SLC39A12: variants seen among roughly 807,000 people sequenced by gnomAD.
The protein encoded by SLC39A12 is solute carrier family 39 member 12.
Under a neutral mutation model 71.1 loss-of-function variants are expected in SLC39A12, and 63 were observed. The ratio of observed to expected loss-of-function variants is 0.89; its 90% CI spans 0.72 to 1.09. SLC39A12 has a LOEUF of 1.09. SLC39A12 is among the 50% of genes least tolerant of loss of function. The pLI is 0.00. For missense variants in SLC39A12, 892 were observed against 812.6 expected, an observed-to-expected ratio of 1.10 and a Z score of -1.19; for synonymous variants, 351 against 301.3, an observed-to-expected ratio of 1.16 and a Z score of -1.71.
At chr10:17,963,858 G>C (rs1180454208) in intron 3 of SLC39A12, among the ~76,000 whole-genome samples, 3 of 152,144 alleles carry the variant, frequency 2.0e-5, no homozygotes, top group African/African-American at 7.2e-5. Context: ...ATCCCCAAGA[G>C]AATCAACTTG....
At chr10:18,004,102 T>C (rs531828136) in intron 12 of SLC39A12, among the ~76,000 whole-genome samples, 45 of 152,352 alleles carry the variant, frequency 3.0e-4, no homozygotes, top group African/African-American at 9.6e-4. Context: ...ATTGTCTTGC[T>C]TCTTAAATTC....
chr10:18,029,840 T>C (rs533456765), intron 12 of SLC39A12, among the ~76,000 whole-genome samples: 2 of 151,270 alleles, frequency 1.3e-5, no homozygotes, highest in South Asian at 4.2e-4. Context: ...TCTTGAAAAT[T>C]AATTCATATG....
intron 11 of SLC39A12, chr10:18,001,748 T>C (rs1835840016): frequency 6.6e-6 from 1 of 152,164 alleles, no homozygotes. Flanking sequence ...TTGATACAGG[T>C]ATGTAATGCG....
intron 12 of SLC39A12, among the ~76,000 whole-genome samples, chr10:18,034,546 C>G (rs550609353): frequency 7.1e-4 from 107 of 151,066 alleles, no homozygotes; most frequent in African/African-American, 2.4e-3. Flanking sequence ...TGTGTCTCTG[C>G]ACATGAGATG....
In SLC39A12 at chr10:18,017,224, G is replaced by A. The variant is rs572383053; in HGVS notation, c.1947+13866G>A. Among the ~76,000 whole-genome samples, 170 of 152,160 alleles carry A rather than the reference G, an allele frequency of 1.1e-3. 1 individual carries two copies. The highest frequency in any genetic ancestry group is 4.0e-3 in the African/African-American group (168 of 41,512). On this transcript the variant is annotated intron_variant, in intron 12 of 12. Transcript: ENST00000377369. ...CCTGAAAAGTCATTGCTATACCTAA[G>A]GTCACCTAGATTTCTTTTATCCTAA...
In SLC39A12 at chr10:17,969,855, C is replaced by T. The variant is rs112426407; in HGVS notation, c.751+4165C>T. On this transcript the variant is annotated intron_variant, in intron 4 of 12. Transcript: ENST00000377369. The stretch of plus-strand genomic sequence containing the variant: ...TGTGGAGTATTACTCAGGAAATTTT[C>T]GACCAGACCAATGTCCTCAAGATTT... Among the ~76,000 whole-genome samples, 857 of 152,254 alleles carry T rather than the reference C, an allele frequency of 5.6e-3. 5 individuals are homozygous for T. The highest frequency in any genetic ancestry group is 0.019 in the African/African-American group (792 of 41,552).
intron 4 of SLC39A12, among the ~76,000 whole-genome samples, chr10:17,970,735 T>C (rs1034624509): frequency 2.1e-4 from 31 of 150,824 alleles, no homozygotes; most frequent in African/African-American, 7.3e-4. Flanking sequence ...ACATAAATTG[T>C]GTCATCTGTA....
At chr10:17,993,638 G>A (rs549452267) in intron 9 of SLC39A12, among the ~76,000 whole-genome samples, 1 of 152,192 alleles carries the variant, frequency 6.6e-6, no homozygotes, top group African/African-American at 2.4e-5. Context: ...GCCATGACTA[G>A]GTGGATGAAA....
rs186810405 is a variant in SLC39A12 at position 17,954,454 on chromosome 10, C to T, written c.261+917C>T. ...TATCTTTAGTAGAGATGGGGTTTCA[C>T]CATGTTGGCCAGGCTGGTCTCAAAC... On this transcript the variant is annotated intron_variant, in intron 2 of 12. Coordinates refer to ENST00000377369, the MANE Select transcript of SLC39A12 (RefSeq NM_001145195.2). Among the ~76,000 whole-genome samples the T allele has an allele frequency of 3.3e-3, 504 of 152,180 alleles. 2 individuals are homozygous for T. The highest frequency in any genetic ancestry group is 0.011 in the African/African-American group (457 of 41,508).
intron 12 of SLC39A12, among the ~76,000 whole-genome samples, chr10:18,009,083 G>T (rs1047726878): frequency 2.0e-5 from 3 of 152,132 alleles, no homozygotes; most frequent in Admixed American, 2.0e-4. Context: ...AATGTAAATG[G>T]GTTATGCCAA....
chr10:18,003,901 C>T (rs535318889), intron 12 of SLC39A12, among the ~76,000 whole-genome samples: 6 of 152,120 alleles, frequency 3.9e-5, no homozygotes, highest in Admixed American at 2.0e-4. Flanking sequence ...ATAATGATTA[C>T]GTCTTTGAAG....
intron 12 of SLC39A12, among the ~76,000 whole-genome samples, chr10:18,027,876 GACAAACTAAGCCATTT>G (rs1836722910): frequency 6.6e-6 from 1 of 152,182 alleles, no homozygotes; most frequent in Admixed American, 6.5e-5. Context: ...CTTCTGCAAG[GACAAACTAAGCCATTT>G]ACAAATGGGC....
chr10:17,958,836 T>C (rs1834614251), intron 2 of SLC39A12, among the ~76,000 whole-genome samples: 2 of 152,200 alleles, frequency 1.3e-5, no homozygotes, highest in Admixed American at 1.3e-4. Context: ...CTTTATATTA[T>C]AAAAATCAAA....
chr10:17,986,031 G>A (rs984861503), intron 6 of SLC39A12, among the ~76,000 whole-genome samples: 1 of 152,078 alleles, frequency 6.6e-6, no homozygotes, highest in African/African-American at 2.4e-5. Context: ...AATTCAGACA[G>A]CTTTTGGAAG....
At chr10:18,041,865 A>G (rs968063459) in intron 12 of SLC39A12, among the ~76,000 whole-genome samples, 4 of 148,378 alleles carry the variant, frequency 2.7e-5, no homozygotes, top group African/African-American at 7.4e-5. Context: ...GTACATACAT[A>G]TGTATATGTA....
At chr10:18,006,257 T>C (rs1836013683) in intron 12 of SLC39A12, among the ~76,000 whole-genome samples, 1 of 152,166 alleles carries the variant, frequency 6.6e-6, no homozygotes, top group African/African-American at 2.4e-5. Context: ...ACTAGAGACA[T>C]AAATGAGGCC....
At chr10:18,019,568 A>C (rs1047586370) in intron 12 of SLC39A12, among the ~76,000 whole-genome samples, 1 of 151,962 alleles carries the variant, frequency 6.6e-6, no homozygotes, top group Non-Finnish European at 1.5e-5. Context: ...ATTTGAGCAC[A>C]CTTTCACTCT....
chr10:18,020,215 C>T lies in SLC39A12; in HGVS notation c.1947+16857C>T, dbSNP rs974162958. On this transcript the variant is annotated intron_variant, in intron 12 of 12. Coordinates refer to ENST00000377369, the MANE Select transcript of SLC39A12 (RefSeq NM_001145195.2). ...TTTCCCCCTTATAAGTGAGAACATG[C>T]GGTATTTGGTTTTCTGTTCCTGTTT... Among the ~76,000 whole-genome samples the T allele has an allele frequency of 8.6e-5, 13 of 152,038 alleles. No individual in the cohort carries two copies. In the South Asian group the frequency reaches 1.9e-3, roughly 22 times the overall value.
rs188082844 is a variant in SLC39A12 at position 18,001,233 on chromosome 10, G to A, written c.1759+408G>A. On this transcript the variant is annotated intron_variant, in intron 11 of 12. Transcript: ENST00000377369. ...ATAAAATAACATTTAAATTAAAACC[G>A]GCCGGGCGCAGTGGCTCACACCTGT... Among the ~76,000 whole-genome samples, 408 of 152,258 alleles carry A rather than the reference G, an allele frequency of 2.7e-3. 2 individuals carry two copies. Among genetic ancestry groups the A allele is most frequent in the Non-Finnish European group, 1.9e-3 (130 of 68,008 alleles).
Sources: allele counts gnomAD v4.1 joint callset (sites outside exome capture counted in the v4.1 genomes callset), GRCh38; gene constraint gnomAD v4.1.1; transcripts MANE v1.5; gene names NCBI Gene and HGNC (gene_info 2026-07-23, HGNC 2026-07-21).